SPOP: variants seen among roughly 807,000 people sequenced by gnomAD.
The protein encoded by SPOP is speckle type BTB/POZ protein, also known as speckle-type POZ protein.
In SPOP, 11 loss-of-function variants were observed where a neutral mutation model predicts 45.6. The ratio of observed to expected loss-of-function variants is 0.24; its 90% CI spans 0.15 to 0.40. The LOEUF is 0.40. Ranked by LOEUF, SPOP falls within the 10% of genes least tolerant of loss-of-function variation. SPOP has a pLI of 1.00. For synonymous variants in SPOP, 166 were observed against 166.3 expected (o/e 1.00, Z 0.01); for missense variants, 152 against 465.6 (o/e 0.33, Z 6.20).
In SPOP at chr17:49,607,951, A is replaced by G. The variant is rs754425879; in HGVS notation, c.659-22T>C. 2.5e-6 allele frequency: 4 copies of G among 1,611,462 alleles called. No homozygotes were observed. The South Asian group carries it at 4.4e-5, about 18-fold the overall frequency. Reference sequence around the variant, plus strand: ...CGAGCTACAAAGTCAAAGAGAAACAAGCAGATAAGGCTATCACAGTGAAAT... The same window carrying G: ...CGAGCTACAAAGTCAAAGAGAAACAGGCAGATAAGGCTATCACAGTGAAAT... On this transcript the variant is annotated intron_variant, in intron 6 of 9. Coordinates refer to ENST00000504102, the MANE Select transcript of SPOP (RefSeq NM_001007228.2).
intron 8 of SPOP, 52 bp downstream of exon 8, chr17:49,607,198 C>A (rs2071868609): frequency 6.2e-7 from 1 of 1,611,092 alleles, no homozygotes; most frequent in Non-Finnish European, 8.5e-7. Context: ...TCATGAAACA[C>A]AAGAAGTCAC....
chr17:49,674,593 A>C (rs1037330003), intron 1 of SPOP, among the ~76,000 whole-genome samples: 2 of 152,262 alleles, frequency 1.3e-5, no homozygotes, highest in African/African-American at 4.8e-5. Context: ...TGCTAGTACC[A>C]GTATTCTGTA....
chr17:49,631,610 C>T (rs2072452997), intron 1 of SPOP, among the ~76,000 whole-genome samples: 1 of 152,198 alleles, frequency 6.6e-6, no homozygotes, highest in Admixed American at 6.5e-5. Context: ...TCAGTGGCCT[C>T]CATTGCTATC....
intron 1 of SPOP, among the ~76,000 whole-genome samples, chr17:49,627,959 G>A (rs1294583558): frequency 2.0e-5 from 3 of 152,182 alleles, no homozygotes; most frequent in Non-Finnish European, 4.4e-5. Context: ...TTCACTCATA[G>A]CAGGAACCAT....
rs553283264 is a variant in SPOP, at chr17:49,628,736, A to G, written c.-66-5860T>C. ...AACACTCTGGTCCCAAGCATTTCCG[A>G]TAAGTGGATATTCAACCTGTAATGC... On this transcript the variant is annotated intron_variant, in intron 1 of 9. Transcript: ENST00000504102. Among the ~76,000 whole-genome samples, 8 of 152,328 alleles carry G rather than the reference A, an allele frequency of 5.3e-5. No individual in the cohort carries two copies. The South Asian group carries it at 6.2e-4, about 12-fold the overall frequency.
intron 1 of SPOP, among the ~76,000 whole-genome samples, chr17:49,660,896 G>A (rs1218444856): frequency 1.3e-5 from 2 of 152,316 alleles, no homozygotes; most frequent in Non-Finnish European, 2.9e-5. Flanking sequence ...AACCCGGGAG[G>A]CGGAGCTTGC....
Position 49,664,406 on chromosome 17 carries a change from T to A in SPOP, c.-67+13527A>T, listed in dbSNP as rs890415530. Reference sequence around the variant, plus strand: ...AATGTAAAAAATGCAACTCTTCTCATGAATTTTTCTAAAACATTTTTTCAT... The same window carrying A: ...AATGTAAAAAATGCAACTCTTCTCAAGAATTTTTCTAAAACATTTTTTCAT... On this transcript the variant is annotated intron_variant, in intron 1 of 9. Coordinates refer to ENST00000504102, the MANE Select transcript of SPOP (RefSeq NM_001007228.2). 1.3e-5 allele frequency among the ~76,000 whole-genome samples: 2 copies of A among 152,320 alleles called. 1 individual carries two copies. The highest frequency in any genetic ancestry group is 4.1e-4 in the South Asian group (2 of 4,826).
At chr17:49,617,408 G>C (rs931899298) in intron 5 of SPOP, among the ~76,000 whole-genome samples, 2 of 152,126 alleles carry the variant, frequency 1.3e-5, no homozygotes, top group Non-Finnish European at 2.9e-5. Context: ...TGTGACGTTA[G>C]ATTTACACAG....
chr17:49,639,430 T>C (rs946716315), intron 1 of SPOP, among the ~76,000 whole-genome samples: 8 of 152,174 alleles, frequency 5.3e-5, no homozygotes, highest in African/African-American at 1.9e-4. Flanking sequence ...CTTCTGTACA[T>C]GTTCACAGCA....
At chr17:49,656,383 T>C (rs2072913907) in intron 1 of SPOP, among the ~76,000 whole-genome samples, 1 of 152,206 alleles carries the variant, frequency 6.6e-6, no homozygotes, top group African/African-American at 2.4e-5. Flanking sequence ...ATCTAGATAC[T>C]GCTTTATCTT....
chr17:49,613,937 G>A (rs999835916), intron 5 of SPOP, among the ~76,000 whole-genome samples: 2 of 152,208 alleles, frequency 1.3e-5, no homozygotes, highest in African/African-American at 2.4e-5. Context: ...TGAAGATGAC[G>A]TGACTGTGAC....
chr17:49,618,944 T>C (rs1374250343), intron 5 of SPOP, 37 bp downstream of exon 5: 20 of 1,593,632 alleles, frequency 1.3e-5, no homozygotes, highest in Non-Finnish European at 1.4e-5. Flanking sequence ...TCATCAGATC[T>C]GGGAACTGCT....
At chr17:49,642,275 T>C (rs2072671269) in intron 1 of SPOP, among the ~76,000 whole-genome samples, 1 of 151,938 alleles carries the variant, frequency 6.6e-6, no homozygotes, top group South Asian at 2.1e-4. Flanking sequence ...AAAAAATATA[T>C]AATTTCAATA....
chr17:49,677,300 G>T (rs929151279), intron 1 of SPOP, among the ~76,000 whole-genome samples: 4 of 152,220 alleles, frequency 2.6e-5, no homozygotes, highest in African/African-American at 7.2e-5. Context: ...CCTAGAACTA[G>T]AAGATACAGT....
chr17:49,644,228 G>A (rs931975889), intron 1 of SPOP, among the ~76,000 whole-genome samples: 6 of 152,090 alleles, frequency 3.9e-5, no homozygotes, highest in African/African-American at 1.4e-4. Flanking sequence ...AAAATAAAAT[G>A]CGAAGTTGCC....
intron 5 of SPOP, among the ~76,000 whole-genome samples, chr17:49,616,776 G>C (rs1008629042): frequency 6.6e-6 from 1 of 152,212 alleles, no homozygotes; most frequent in Non-Finnish European, 1.5e-5. Context: ...AAGTGTGAGA[G>C]GAACAGATGG....
chr17:49,615,440 AATT>A (rs1567775560), intron 5 of SPOP, among the ~76,000 whole-genome samples: 1 of 152,214 alleles, frequency 6.6e-6, no homozygotes, highest in Non-Finnish European at 1.5e-5. Context: ...CTGTGGACCA[AATT>A]ATTAAAGAGA....
intron 1 of SPOP, among the ~76,000 whole-genome samples, chr17:49,671,960 G>A (rs1031292797): frequency 2.6e-5 from 4 of 152,096 alleles, no homozygotes; most frequent in Non-Finnish European, 5.9e-5. Flanking sequence ...CTAACACGGT[G>A]AAACCCCATC....
chr17:49,614,436 A>G (rs1056561141), intron 5 of SPOP, among the ~76,000 whole-genome samples: 1 of 152,236 alleles, frequency 6.6e-6, no homozygotes, highest in African/African-American at 2.4e-5. Context: ...CCTAAACAAT[A>G]TATTATTCAG....
Sources: gnomAD v4.1 joint callset for allele counts (sites outside exome capture counted in the v4.1 genomes callset) on GRCh38, gnomAD v4.1.1 for gene constraint, MANE v1.5 for transcripts, NCBI Gene and HGNC (gene_info 2026-07-23, HGNC 2026-07-21) for gene names.